The following VPS13B variants were observed in gnomAD, a reference collection of about 807,000 sequenced individuals.
VPS13B encodes vacuolar protein sorting 13 homolog B.
Under a neutral mutation model 426.4 loss-of-function variants are expected in VPS13B, and 285 were observed. The ratio of observed to expected loss-of-function variants is 0.67; its 90% CI spans 0.61 to 0.74. The LOEUF (loss-of-function observed/expected upper bound fraction) is 0.74, where lower values mean the gene tolerates loss of function less well. VPS13B is among the 30% of genes least tolerant of loss of function. VPS13B has a pLI of 0.00. For missense variants in VPS13B, 4,537 were observed against 4,782.6 expected (o/e 0.95, Z 1.51); for synonymous variants, 1,676 against 1,676.4 (o/e 1.00, Z 0.01).
At chr8:99,141,585 G>A (rs1810424403) in intron 12 of VPS13B, among the ~76,000 whole-genome samples, 1 of 152,234 alleles carries the variant, frequency 6.6e-6, no homozygotes, top group South Asian at 2.1e-4. Flanking sequence ...AATTCCTAAT[G>A]TGAGTCAGTA....
At chr8:99,273,942 G>A (rs1354602923) in intron 17 of VPS13B, among the ~76,000 whole-genome samples, 1 of 151,846 alleles carries the variant, frequency 6.6e-6, no homozygotes, top group African/African-American at 2.4e-5. Flanking sequence ...AAAAGTATTT[G>A]TGCATTTACT....
At chr8:99,867,411 G>C (rs1450305325) in intron 58 of VPS13B, among the ~76,000 whole-genome samples, 1 of 152,232 alleles carries the variant, frequency 6.6e-6, no homozygotes. Flanking sequence ...TGCTACAGCT[G>C]TGGGAGCAGA....
intron 19 of VPS13B, among the ~76,000 whole-genome samples, chr8:99,284,379 C>A (rs552918230): frequency 6.6e-6 from 1 of 152,046 alleles, no homozygotes; most frequent in Non-Finnish European, 1.5e-5. Context: ...ATTTTTTGTG[C>A]GTAGAACTAT....
chr8:99,194,061 C>T (rs866906302), intron 17 of VPS13B, among the ~76,000 whole-genome samples: 13 of 152,022 alleles, frequency 8.6e-5, no homozygotes, highest in Admixed American at 2.6e-4. Flanking sequence ...TGAGGTCAGG[C>T]GTGGAATTTT....
intron 51 of VPS13B, among the ~76,000 whole-genome samples, chr8:99,825,123 T>A (rs868429784): frequency 1.5e-4 from 23 of 152,334 alleles, no homozygotes; most frequent in Non-Finnish European, 2.8e-4. Flanking sequence ...AAATGGTATT[T>A]CTAGTTCTAG....
At chr8:99,163,435 G>T (rs1013792719) in intron 15 of VPS13B, among the ~76,000 whole-genome samples, 1 of 152,220 alleles carries the variant, frequency 6.6e-6, no homozygotes, top group African/African-American at 2.4e-5. Flanking sequence ...GGGACTGGGC[G>T]CCGTGGAATA....
intron 15 of VPS13B, among the ~76,000 whole-genome samples, chr8:99,160,549 G>A (rs527607640): frequency 6.6e-6 from 1 of 151,050 alleles, no homozygotes; most frequent in South Asian, 2.1e-4. Context: ...TACCTGGGAG[G>A]CTGAGGTGAG....
intron 33 of VPS13B, among the ~76,000 whole-genome samples, chr8:99,604,909 G>A (rs1563820687): frequency 1.3e-5 from 2 of 152,130 alleles, no homozygotes. Flanking sequence ...CAAGGGATTT[G>A]TCTATTCTCC....
At chr8:99,803,183 A>C (rs1432779818) in intron 43 of VPS13B, among the ~76,000 whole-genome samples, 1 of 152,218 alleles carries the variant, frequency 6.6e-6, no homozygotes, top group East Asian at 1.9e-4. Context: ...ATTACAAGTA[A>C]GATTTTTTTA....
intron 36 of VPS13B, among the ~76,000 whole-genome samples, chr8:99,710,908 G>T (rs1240017980): frequency 6.6e-6 from 1 of 151,924 alleles, no homozygotes; most frequent in Non-Finnish European, 1.5e-5. Context: ...GGGAGGCTGA[G>T]GCAAGGGAAT....
At chr8:99,236,405 A>G (rs1816655233) in intron 17 of VPS13B, among the ~76,000 whole-genome samples, 1 of 152,122 alleles carries the variant, frequency 6.6e-6, no homozygotes, top group Admixed American at 6.5e-5. Context: ...GTGTGCCACC[A>G]CGCCTGGCTA....
At chr8:99,404,833 A>G (rs1243511509) in intron 21 of VPS13B, among the ~76,000 whole-genome samples, 1 of 152,186 alleles carries the variant, frequency 6.6e-6, no homozygotes, top group Non-Finnish European at 1.5e-5. Context: ...TTATAAAATG[A>G]TGATAAGTTT....
intron 15 of VPS13B, among the ~76,000 whole-genome samples, chr8:99,158,545 C>T (rs1204095138): frequency 6.6e-6 from 1 of 152,056 alleles, no homozygotes; most frequent in African/African-American, 2.4e-5. Context: ...TTGTTAGGGG[C>T]TAATGTACCT....
At chr8:99,722,828 CT>C (rs1371612112) in intron 39 of VPS13B, among the ~76,000 whole-genome samples, 6 of 152,104 alleles carry the variant, frequency 3.9e-5, no homozygotes, top group Non-Finnish European at 1.5e-5. Flanking sequence ...TCTTATCAGA[CT>C]TGCCTAAATG....
chr8:99,806,520 C>T (rs1297759424), intron 43 of VPS13B, among the ~76,000 whole-genome samples: 3 of 152,152 alleles, frequency 2.0e-5, no homozygotes, highest in Non-Finnish European at 4.4e-5. Flanking sequence ...GCCTTATTTT[C>T]CCTATGTGAT....
chr8:99,334,945 T>C (rs1296608917), intron 19 of VPS13B, among the ~76,000 whole-genome samples: 2 of 151,990 alleles, frequency 1.3e-5, no homozygotes, highest in African/African-American at 4.8e-5. Context: ...ACCAGCTCCT[T>C]CTTATACCTC....
chr8:99,507,722 A>G, intron 28 of VPS13B: 1 of 1,613,312 alleles, frequency 6.2e-7, no homozygotes, highest in Non-Finnish European at 8.5e-7. Flanking sequence ...TATGGCTTTT[A>G]TTGCTTTTTG....
intron 23 of VPS13B, among the ~76,000 whole-genome samples, chr8:99,464,285 A>C (rs1489348256): frequency 6.6e-6 from 1 of 152,220 alleles, no homozygotes; most frequent in Non-Finnish European, 1.5e-5. Flanking sequence ...AAAACTGAGG[A>C]AAGTATCTCC....
At chr8:99,769,555 C>CA (rs1351369930) in intron 40 of VPS13B, among the ~76,000 whole-genome samples, 1 of 151,980 alleles carries the variant, frequency 6.6e-6, no homozygotes, top group Non-Finnish European at 1.5e-5. Flanking sequence ...AGAAAGGTCA[C>CA]AAAAATATAT....
Sources: allele counts gnomAD v4.1 joint callset (sites outside exome capture counted in the v4.1 genomes callset), GRCh38; gene constraint gnomAD v4.1.1; transcripts MANE v1.5; gene names NCBI Gene and HGNC (gene_info 2026-07-23, HGNC 2026-07-21).